The following PRKCE variants were observed in gnomAD, a reference collection of about 807,000 sequenced individuals.
The protein encoded by PRKCE is protein kinase C epsilon type.
In PRKCE, 16 loss-of-function variants were observed where a neutral mutation model predicts 85.4. The ratio of observed to expected loss-of-function variants is 0.19; its 90% CI spans 0.13 to 0.28. The LOEUF (loss-of-function observed/expected upper bound fraction) is 0.28, where lower values mean the gene tolerates loss of function less well. Ranked by LOEUF, PRKCE falls within the 10% of genes least tolerant of loss-of-function variation. The pLI is 1.00. For missense variants in PRKCE, 573 were observed against 975.2 expected, an observed-to-expected ratio of 0.59 and a Z score of 5.49; for synonymous variants, 388 against 371.5, an observed-to-expected ratio of 1.04 and a Z score of -0.51.
rs903749569 is a variant in PRKCE, at chr2:45,793,132, T to C, written c.349-49868T>C. 5.9e-5 allele frequency among the ~76,000 whole-genome samples: 9 copies of C among 152,326 alleles called. No homozygotes were observed. The South Asian group carries it at 8.3e-4, about 14-fold the overall frequency. The stretch of plus-strand genomic sequence containing the variant: ...TTATTTGCCCTTCCTTGTTCCAGAA[T>C]AGATTTAAGCAGGGCAGAGAAGAGG... On this transcript the variant is annotated intron_variant, in intron 1 of 14. Transcript: ENST00000306156.
chr2:45,662,063 C>G (rs1298213975), intron 1 of PRKCE, among the ~76,000 whole-genome samples: 1 of 152,086 alleles, frequency 6.6e-6, no homozygotes, highest in Non-Finnish European at 1.5e-5. Flanking sequence ...TGTAGAAGCT[C>G]AAATAGTCAG....
rs78336715 is a variant in PRKCE, at chr2:45,694,432, G to A, written c.348+41984G>A. ...GTATATGACTTCAACCCCATGCCACGTTTATTGGGTGCCAAAGGTTTCACT... is the reference window on the plus strand; with the variant it reads ...GTATATGACTTCAACCCCATGCCACATTTATTGGGTGCCAAAGGTTTCACT... On this transcript the variant is annotated intron_variant, in intron 1 of 14. Coordinates refer to ENST00000306156, the MANE Select transcript of PRKCE (RefSeq NM_005400.3). Among the ~76,000 whole-genome samples the A allele has an allele frequency of 4.7e-4, 71 of 152,268 alleles. 3 individuals carry two copies. In the East Asian group the frequency reaches 0.012, roughly 26 times the overall value.
chr2:46,144,515 T>G (rs2278777), intron 11 of PRKCE, among the ~76,000 whole-genome samples: 9,317 of 152,220 alleles, frequency 0.061, 318 homozygotes, highest in East Asian at 0.11. Flanking sequence ...CTCCTCACAG[T>G]GTATCGAACC....
At chr2:45,805,744 C>T (rs1233548325) in intron 1 of PRKCE, among the ~76,000 whole-genome samples, 1 of 151,994 alleles carries the variant, frequency 6.6e-6, no homozygotes, top group Non-Finnish European at 1.5e-5. Flanking sequence ...TTACAGGCAC[C>T]TGCCACCGTG....
chr2:45,854,677 G>A lies in PRKCE; in HGVS notation c.412+11614G>A, dbSNP rs559396145. The stretch of plus-strand genomic sequence containing the variant: ...CTCAGATTGAAGACTTTCCGAATAC[G>A]GGCGTGAGTCCATGAGAAAGTTTCC... On this transcript the variant is annotated intron_variant, in intron 2 of 14. Coordinates refer to ENST00000306156, the MANE Select transcript of PRKCE (RefSeq NM_005400.3). Among the ~76,000 whole-genome samples the A allele has an allele frequency of 2.0e-5, 3 of 152,314 alleles. No homozygotes were observed. The South Asian group carries it at 6.2e-4, about 32-fold the overall frequency.
intron 2 of PRKCE, among the ~76,000 whole-genome samples, chr2:45,970,205 G>A (rs564121193): frequency 1.7e-4 from 26 of 152,272 alleles, no homozygotes; most frequent in Non-Finnish European, 2.9e-4. Context: ...TAGTAGACTT[G>A]CCAATAATGG....
intron 2 of PRKCE, among the ~76,000 whole-genome samples, chr2:45,928,478 A>G (rs901538018): frequency 6.6e-6 from 1 of 152,140 alleles, no homozygotes; most frequent in Non-Finnish European, 1.5e-5. Flanking sequence ...CATGTTGCCC[A>G]GACTGGTCTC....
At chr2:46,061,104 CTTTTTTT>C (rs565280374) in intron 10 of PRKCE, among the ~76,000 whole-genome samples, 7 of 103,488 alleles carry the variant, frequency 6.8e-5, no homozygotes, top group South Asian at 3.6e-4. Context: ...CTTTTTTTTC[CTTTTTTT>C]TTTTTTTTTT....
chr2:46,021,699 A>C (rs1027031895), intron 10 of PRKCE, among the ~76,000 whole-genome samples: 1 of 152,242 alleles, frequency 6.6e-6, no homozygotes, highest in African/African-American at 2.4e-5. Flanking sequence ...AAAAAGTTTC[A>C]TCTTGAAATC....
At chr2:45,922,603 C>A (rs556502062) in intron 2 of PRKCE, among the ~76,000 whole-genome samples, 5 of 152,236 alleles carry the variant, frequency 3.3e-5, no homozygotes, top group African/African-American at 1.2e-4. Flanking sequence ...TGTCTCCACC[C>A]CAAGCCCATG....
At chr2:45,935,641 G>A (rs1234308103) in intron 2 of PRKCE, among the ~76,000 whole-genome samples, 1 of 152,060 alleles carries the variant, frequency 6.6e-6, no homozygotes, top group African/African-American at 2.4e-5. Context: ...ACAAAAATCA[G>A]CTGGGCATTG....
chr2:45,912,002 A>G (rs927848551), intron 2 of PRKCE, among the ~76,000 whole-genome samples: 2 of 151,946 alleles, frequency 1.3e-5, no homozygotes, highest in Non-Finnish European at 2.9e-5. Flanking sequence ...AAGCTAGAAA[A>G]AAGTTTTCAT....
At chr2:45,874,490 TC>T (rs754290739) in intron 2 of PRKCE, among the ~76,000 whole-genome samples, 1 of 152,200 alleles carries the variant, frequency 6.6e-6, no homozygotes, top group Non-Finnish European at 1.5e-5. Flanking sequence ...GCAGTGGCTC[TC>T]CCAACTTGGC....
intron 1 of PRKCE, among the ~76,000 whole-genome samples, chr2:45,724,307 A>T (rs1033799321): frequency 6.6e-6 from 1 of 152,208 alleles, no homozygotes; most frequent in African/African-American, 2.4e-5. Flanking sequence ...TTGCCCCCAT[A>T]TAAGATGGTG....
chr2:46,067,991 G>C (rs1305875540), intron 10 of PRKCE, among the ~76,000 whole-genome samples: 1 of 151,968 alleles, frequency 6.6e-6, no homozygotes, highest in African/African-American at 2.4e-5. Flanking sequence ...TTGAAGGCAG[G>C]GTTTCCTTAC....
At chr2:45,694,134 C>T (rs998311120) in intron 1 of PRKCE, among the ~76,000 whole-genome samples, 3 of 151,002 alleles carry the variant, frequency 2.0e-5, no homozygotes, top group Non-Finnish European at 2.9e-5. Context: ...CCAAGAGCTT[C>T]CCATAGCTTC....
intron 10 of PRKCE, among the ~76,000 whole-genome samples, chr2:46,067,956 G>A (rs2103694452): frequency 6.6e-6 from 1 of 152,264 alleles, no homozygotes; most frequent in South Asian, 2.1e-4. Flanking sequence ...GCAAGAGAAT[G>A]CACATTTTTT....
chr2:45,939,419 C>A (rs766443262), intron 2 of PRKCE, among the ~76,000 whole-genome samples: 1 of 152,186 alleles, frequency 6.6e-6, no homozygotes, highest in Non-Finnish European at 1.5e-5. Flanking sequence ...TTCATCATTT[C>A]ATACCGTATT....
chr2:45,799,720 C>A (rs1301875561), intron 1 of PRKCE, among the ~76,000 whole-genome samples: 1 of 152,212 alleles, frequency 6.6e-6, no homozygotes, highest in Admixed American at 6.5e-5. Flanking sequence ...AGGGCAGGCT[C>A]CTGTTGTCCC....
Sources: gnomAD v4.1 joint callset for allele counts (sites outside exome capture counted in the v4.1 genomes callset) on GRCh38, gnomAD v4.1.1 for gene constraint, MANE v1.5 for transcripts, NCBI Gene and HGNC (gene_info 2026-07-23, HGNC 2026-07-21) for gene names.